The following CDK13 variants were observed in gnomAD, a reference collection of about 807,000 sequenced individuals.
The protein encoded by CDK13 is cyclin dependent kinase 13.
In CDK13, 40 loss-of-function variants were observed where a neutral mutation model predicts 137.6. The ratio of observed to expected loss-of-function variants is 0.29; its 90% CI spans 0.23 to 0.38. The LOEUF is 0.38. Among genes scored for constraint, CDK13 ranks in the 10% least tolerant of loss-of-function variants. The pLI is 1.00. For missense variants in CDK13, 1,704 were observed against 1,951.8 expected (o/e 0.87, Z 2.39); for synonymous variants, 869 against 760.1 (o/e 1.14, Z -2.36).
chr7:40,041,502 T>G (rs1785604273), intron 5 of CDK13, among the ~76,000 whole-genome samples: 1 of 152,234 alleles, frequency 6.6e-6, no homozygotes, highest in Non-Finnish European at 1.5e-5. Flanking sequence ...TTTTTCTATA[T>G]ACTTTTAATA....
At position 39,976,323 on chromosome 7, in the gene CDK13, T is replaced by TCTCTCACACACACACA; in HGVS notation, c.1212-11275_1212-11274insTCTCACACACACACAC. 7.0e-3 allele frequency among the ~76,000 whole-genome samples: 275 copies of TCTCTCACACACACACA among 39,548 alleles called. 7 individuals carry two copies. The highest frequency in any genetic ancestry group is 0.017 in the Middle Eastern group (1 of 60). 25.9% of individuals were successfully genotyped at this position (39,548 alleles called of 152,430 possible). A position where few individuals can be genotyped will look rare whatever the true frequency, so the allele number is the denominator to read the frequency against. ...CTCTCTCTCTCTCTCTCTCTCTCTC[T>TCTCTCACACACACACA]CACACACACACACACACACACACAC... is the stretch of plus-strand genomic sequence containing the variant. On this transcript the variant is annotated intron_variant, in intron 1 of 13. Coordinates refer to ENST00000181839, the MANE Select transcript of CDK13 (RefSeq NM_003718.5).
intron 1 of CDK13, among the ~76,000 whole-genome samples, chr7:39,979,072 G>A (rs895464320): frequency 6.6e-6 from 1 of 152,064 alleles, no homozygotes; most frequent in Non-Finnish European, 1.5e-5. Context: ...ACTAAGAGGA[G>A]GAAAATGAGT....
chr7:40,062,933 A>G lies in CDK13; in HGVS notation c.2702+6A>G, dbSNP rs758024318. ...ATTGATGTATGGAGCTGTGGGTAAGATAGCCTTATTTACTGGTTTATTTTA... is the reference window on the plus strand; with the variant it reads ...ATTGATGTATGGAGCTGTGGGTAAGGTAGCCTTATTTACTGGTTTATTTTA... On this transcript the variant is annotated splice_donor_region_variant and intron_variant, in intron 8 of 13. Transcript: ENST00000181839. The G allele has an allele frequency of 6.2e-7, 1 of 1,610,096 alleles. No homozygotes were observed. Among genetic ancestry groups the G allele is most frequent in the African/African-American group, 1.3e-5 (1 of 74,852 alleles).
rs1345133725 is a variant in CDK13 at position 39,950,312 on chromosome 7, C to G, written c.-330C>G. On this transcript the variant is annotated 5_prime_UTR_variant, in exon 1 of 14. Coordinates refer to ENST00000181839, the MANE Select transcript of CDK13 (RefSeq NM_003718.5). ...GCGGCCAAGGCCGCTCCCCCACCCC[C>G]GGGGGCACTTGGAGGACTCGGGACT... 6 of 1,112,940 alleles carry G rather than the reference C, an allele frequency of 5.4e-6. No individual in the cohort carries two copies. In the South Asian group the frequency reaches 1.3e-4, roughly 24 times the overall value. The allele number at this position is 1,112,940 out of a possible 1,614,324, so 68.9% of individuals were successfully genotyped here.
In CDK13 at chr7:40,088,246, C is replaced by T. The variant is rs776150511; in HGVS notation, c.3150C>T (p.Gly1050=). 3 of 1,613,772 alleles carry T rather than the reference C, an allele frequency of 1.9e-6. No individual in the cohort carries two copies. The highest frequency in any genetic ancestry group is 2.7e-5 in the African/African-American group (2 of 74,838). The part of the protein sequence containing the change: ...IKAPRKDLSL[G]LDDSRTNTPQ... ...CCCCCAGGAAGGACTTGTCTCTGGGCTTGGATGACAGCAGAACCAACACAC... is the reference window on the plus strand; with the variant it reads ...CCCCCAGGAAGGACTTGTCTCTGGGTTTGGATGACAGCAGAACCAACACAC... The change falls in exon 12 of 14, where the codon GGC becomes GGT. Residue 1050 remains glycine, a synonymous_variant. Transcript: ENST00000181839.
chr7:40,005,259 G>T (rs1257871496), intron 5 of CDK13, among the ~76,000 whole-genome samples: 1 of 149,774 alleles, frequency 6.7e-6, no homozygotes, highest in Admixed American at 6.7e-5. Context: ...AATCACGAAG[G>T]TTATTAATTT....
Position 40,063,108 on chromosome 7 carries a change from G to A in CDK13, c.2780+8G>A, listed in dbSNP as rs564399248. On this transcript the variant is annotated splice_region_variant and intron_variant, in intron 9 of 13. Coordinates refer to ENST00000181839, the MANE Select transcript of CDK13 (RefSeq NM_003718.5). ...ACAACTAGAATTAATAAGGTAAGCT[G>A]CTGATTATAATATTGGTGGGAATTG... 16 of 1,591,422 alleles carry A rather than the reference G, an allele frequency of 1.0e-5. No individual in the cohort carries two copies. The highest frequency in any genetic ancestry group is 1.4e-5 in the Non-Finnish European group (16 of 1,159,460).
chr7:40,047,046 G>A (rs993981846), intron 6 of CDK13, among the ~76,000 whole-genome samples: 4 of 144,926 alleles, frequency 2.8e-5, no homozygotes, highest in Admixed American at 7.0e-5. Context: ...TCTAATAATA[G>A]TCTGTAATGC....
intron 1 of CDK13, among the ~76,000 whole-genome samples, chr7:39,974,371 G>A (rs529043700): frequency 6.6e-6 from 1 of 152,194 alleles, no homozygotes; most frequent in Non-Finnish European, 1.5e-5. Flanking sequence ...TGGCCAGGGA[G>A]TATTACCTTT....
chr7:39,960,803 G>C (rs997770136), intron 1 of CDK13, among the ~76,000 whole-genome samples: 3 of 149,202 alleles, frequency 2.0e-5, no homozygotes, highest in Admixed American at 1.3e-4. Context: ...TCGAACTCCT[G>C]ACCTCAGGTG....
At chr7:39,973,595 GTATTT>G (rs1331503150) in intron 1 of CDK13, among the ~76,000 whole-genome samples, 1 of 152,132 alleles carries the variant, frequency 6.6e-6, no homozygotes, top group Non-Finnish European at 1.5e-5. Context: ...AAGCACAAAA[GTATTT>G]TATTTTGATG....
chr7:39,997,060 T>G (rs1784578946), intron 2 of CDK13, among the ~76,000 whole-genome samples: 1 of 152,044 alleles, frequency 6.6e-6, no homozygotes, highest in Non-Finnish European at 1.5e-5. Context: ...ATGTACAGTT[T>G]TATAGTTAAT....
intron 7 of CDK13, among the ~76,000 whole-genome samples, chr7:40,053,149 G>T (rs1283562123): frequency 2.0e-5 from 3 of 152,084 alleles, no homozygotes; most frequent in Non-Finnish European, 4.4e-5. Context: ...CCCTCCTTCT[G>T]TTGGGGGTAT....
intron 1 of CDK13, among the ~76,000 whole-genome samples, chr7:39,967,750 G>C (rs1053051703): frequency 6.6e-6 from 1 of 152,136 alleles, no homozygotes; most frequent in Non-Finnish European, 1.5e-5. Flanking sequence ...GCCAACACTT[G>C]TTATCTTTCA....
At chr7:40,093,305 A>ACACAT in intron 13 of CDK13, 68 bp downstream of exon 13, 11 of 1,268,042 alleles carry the variant, frequency 8.7e-6, no homozygotes, top group African/African-American at 1.5e-5. Flanking sequence ...TGCTGACTAT[A>ACACAT]TATAATGTGT....
At position 40,097,291 on chromosome 7, in the gene CDK13, C is replaced by T. The variant is rs1375265099; in HGVS notation, c.*2311C>T. 1 of 151,918 alleles carries T rather than the reference C, an allele frequency of 6.6e-6. No individual in the cohort carries two copies. The highest frequency in any genetic ancestry group is 1.5e-5 in the Non-Finnish European group (1 of 67,938). 9.4% of individuals were successfully genotyped at this position (151,918 alleles called of 1,614,324 possible). On this transcript the variant is annotated 3_prime_UTR_variant, in exon 14 of 14. Transcript: ENST00000181839. ...CAGCACTACTGTGAGACATACTAGT[C>T]TTTTATATGTCACTTAGAAGAAAAA...
chr7:40,009,684 A>G (rs543365786), intron 5 of CDK13, among the ~76,000 whole-genome samples: 32 of 152,322 alleles, frequency 2.1e-4, no homozygotes, highest in South Asian at 6.2e-4. Flanking sequence ...ACTTCTTGAC[A>G]TATATTACCA....
chr7:40,016,468 A>G (rs1445856782), intron 5 of CDK13, among the ~76,000 whole-genome samples: 1 of 152,182 alleles, frequency 6.6e-6, no homozygotes, highest in Admixed American at 6.5e-5. Context: ...GAGACTTTAT[A>G]TAGTAGTTGA....
chr7:40,048,220 G>T, intron 7 of CDK13: 1 of 180,892 alleles, frequency 5.5e-6, no homozygotes, highest in Non-Finnish European at 1.2e-5. Flanking sequence ...TATAAACTTT[G>T]GTTTCATTAT....
Sources: gnomAD v4.1 joint callset for allele counts (sites outside exome capture counted in the v4.1 genomes callset) on GRCh38, gnomAD v4.1.1 for gene constraint, MANE v1.5 for transcripts, NCBI Gene and HGNC (gene_info 2026-07-23, HGNC 2026-07-21) for gene names.